C1GALT1: variants seen among roughly 807,000 people sequenced by gnomAD.
The protein encoded by C1GALT1 is glycoprotein-N-acetylgalactosamine 3-beta-galactosyltransferase 1.
In C1GALT1, 11 loss-of-function variants were observed where a neutral mutation model predicts 31.0. The observed-to-expected ratio is 0.36, with a 90% confidence interval of 0.22 to 0.59. The LOEUF (loss-of-function observed/expected upper bound fraction) is 0.59. Among genes scored for constraint, C1GALT1 ranks in the 20% least tolerant of loss-of-function variants. The pLI, the probability that C1GALT1 is intolerant of heterozygous loss-of-function variation, is 0.79. For missense variants in C1GALT1, 424 were observed against 425.2 expected (o/e 1.00, Z 0.03); for synonymous variants, 175 against 143.6 (o/e 1.22, Z -1.56).
At chr7:7,191,611 C>T (rs1313593021) in intron 1 of C1GALT1, among the ~76,000 whole-genome samples, 2 of 152,048 alleles carry the variant, frequency 1.3e-5, no homozygotes, top group Non-Finnish European at 2.9e-5. Flanking sequence ...TACAAGGGTT[C>T]CAGTTTCTCC....
chr7:7,225,059 T>G (rs1562587052), intron 1 of C1GALT1, among the ~76,000 whole-genome samples: 1 of 151,766 alleles, frequency 6.6e-6, no homozygotes, highest in Non-Finnish European at 1.5e-5. Context: ...ACTAATAAGG[T>G]TTTCTGTCCT....
At position 7,222,163 on chromosome 7, in the gene C1GALT1, AACT is replaced by A. The variant is rs560791373; in HGVS notation, c.-17-12132_-17-12130del. On this transcript the variant is annotated intron_variant, in intron 1 of 3. Transcript: ENST00000436587. ...CTGCCAAAAGACCCAACTTAACGAT[AACT>A]ACTACTAATTGCTCAGCATTCTCTT... Among the ~76,000 whole-genome samples the A allele has an allele frequency of 6.4e-4, 97 of 152,314 alleles. 2 individuals are homozygous for A. The Middle Eastern group carries it at 0.014, about 21-fold the overall frequency.
At chr7:7,212,181 T>C (rs976631927) in intron 1 of C1GALT1, among the ~76,000 whole-genome samples, 8 of 152,212 alleles carry the variant, frequency 5.3e-5, no homozygotes, top group African/African-American at 1.9e-4. Context: ...GGTGATCCTC[T>C]CTTCTTGAGG....
At chr7:7,222,370 AAAGTCTGGACCTTTTTG>A (rs1446397017) in intron 1 of C1GALT1, among the ~76,000 whole-genome samples, 6 of 152,210 alleles carry the variant, frequency 3.9e-5, no homozygotes, top group Non-Finnish European at 7.3e-5. Flanking sequence ...TTCGTCCAGG[AAAGTCTGGACCTTTTTG>A]AAGTCTGGCT....
At chr7:7,190,430 A>G (rs1180697378) in intron 1 of C1GALT1, among the ~76,000 whole-genome samples, 1 of 152,096 alleles carries the variant, frequency 6.6e-6, no homozygotes, top group African/African-American at 2.4e-5. Flanking sequence ...CGAGAGTGGG[A>G]TGTTCCATTC....
chr7:7,242,557 C>A (rs1236079072), intron 3 of C1GALT1, among the ~76,000 whole-genome samples: 1 of 152,054 alleles, frequency 6.6e-6, no homozygotes, highest in African/African-American at 2.4e-5. Flanking sequence ...CTCCCTCATT[C>A]TTTACAAAGA....
At chr7:7,169,381 A>G (rs1471024681) in intron 2 of C1GALT1, among the ~76,000 whole-genome samples, 1 of 152,128 alleles carries the variant, frequency 6.6e-6, no homozygotes, top group African/African-American at 2.4e-5. Context: ...CTCAGAGCCA[A>G]ACTGCTGGGT....
intron 1 of C1GALT1, among the ~76,000 whole-genome samples, chr7:7,191,320 CCTTA>C (rs1381041789): frequency 2.0e-5 from 3 of 152,078 alleles, no homozygotes; most frequent in Admixed American, 2.0e-4. Flanking sequence ...ATCAGAATTT[CCTTA>C]CTTTTCAAGG....
chr7:7,177,040 G>A (rs1583732296), intron 2 of C1GALT1, among the ~76,000 whole-genome samples: 3 of 152,112 alleles, frequency 2.0e-5, no homozygotes, highest in African/African-American at 7.2e-5. Context: ...CTTACTCAGG[G>A]ATCATCCACA....
chr7:7,214,572 G>A (rs1023396404), intron 1 of C1GALT1, among the ~76,000 whole-genome samples: 2 of 152,068 alleles, frequency 1.3e-5, no homozygotes, highest in Non-Finnish European at 2.9e-5. Context: ...TTCGGCTTTC[G>A]AACTTTCGAA....
At chr7:7,184,620 T>G (rs1780733496) in intron 1 of C1GALT1, among the ~76,000 whole-genome samples, 1 of 152,228 alleles carries the variant, frequency 6.6e-6, no homozygotes, top group African/African-American at 2.4e-5. Flanking sequence ...TTATGCAGTT[T>G]AACATTATAA....
intron 2 of C1GALT1, among the ~76,000 whole-genome samples, chr7:7,175,305 A>G (rs1780493510): frequency 6.6e-6 from 1 of 152,216 alleles, no homozygotes; most frequent in African/African-American, 2.4e-5. Context: ...AGTCTTTGCA[A>G]AGTGGCTCTA....
Position 7,182,698 on chromosome 7 carries a change from C to A in C1GALT1, c.-140C>A. On this transcript the variant is annotated 5_prime_UTR_variant, in exon 1 of 4. Coordinates refer to ENST00000436587, the MANE Select transcript of C1GALT1 (RefSeq NM_020156.5). ...GGGGAATAATCTGGGCGGCAGCGGG[C>A]GGCCTCGGCTAGCGGCCACGAGCCA... is the stretch of plus-strand genomic sequence containing the variant. 1 of 617,954 alleles carries A rather than the reference C, an allele frequency of 1.6e-6. No individual in the cohort carries two copies. Among genetic ancestry groups the A allele is most frequent in the Non-Finnish European group, 2.0e-6 (1 of 494,126 alleles). 38.3% of individuals were successfully genotyped at this position (617,954 alleles called of 1,614,324 possible).
chr7:7,227,446 C>T (rs571499958), intron 1 of C1GALT1, among the ~76,000 whole-genome samples: 21 of 152,248 alleles, frequency 1.4e-4, no homozygotes, highest in African/African-American at 3.9e-4. Flanking sequence ...GAAGGCCGGG[C>T]GCGGTGGCTC....
At chr7:7,183,125 C>T (rs982633049) in intron 1 of C1GALT1, among the ~76,000 whole-genome samples, 4 of 152,130 alleles carry the variant, frequency 2.6e-5, no homozygotes, top group Non-Finnish European at 5.9e-5. Context: ...TCGCGCCCCT[C>T]TTCTGCTCGC....
At chr7:7,179,057 C>T (rs1039002594), upstream of C1GALT1, among the ~76,000 whole-genome samples, 2 of 152,212 alleles carry the variant, frequency 1.3e-5, no homozygotes, top group East Asian at 3.8e-4. Flanking sequence ...TGGCTCTTGT[C>T]AGAAGGCCTC....
intron 1 of C1GALT1, among the ~76,000 whole-genome samples, chr7:7,216,084 G>T (rs1288221530): frequency 6.6e-6 from 1 of 152,216 alleles, no homozygotes; most frequent in Admixed American, 6.5e-5. Context: ...TATTAGAAAT[G>T]CCATGCTCTT....
At chr7:7,187,312 C>T (rs1024014283) in intron 1 of C1GALT1, among the ~76,000 whole-genome samples, 6 of 151,776 alleles carry the variant, frequency 4.0e-5, no homozygotes, top group South Asian at 4.2e-4. Flanking sequence ...TGCAGTGGCG[C>T]GATCTCAGCT....
chr7:7,176,486 C>T (rs954965153), intron 2 of C1GALT1, among the ~76,000 whole-genome samples: 3 of 152,152 alleles, frequency 2.0e-5, no homozygotes, highest in Non-Finnish European at 4.4e-5. Context: ...AGGAACACTC[C>T]TGATTCTTAT....
Sources: allele counts gnomAD v4.1 joint callset (sites outside exome capture counted in the v4.1 genomes callset), GRCh38; gene constraint gnomAD v4.1.1; transcripts MANE v1.5; gene names NCBI Gene and HGNC (gene_info 2026-07-23, HGNC 2026-07-21).